FSTL5: variants seen among roughly 807,000 people sequenced by gnomAD.
The protein encoded by FSTL5 is follistatin like 5, also known as follistatin-related protein 5.
A neutral mutation model predicts 89.1 loss-of-function variants in FSTL5; 62 were observed. The ratio of observed to expected loss-of-function variants is 0.70; its 90% CI spans 0.57 to 0.86. FSTL5 has a LOEUF of 0.86. Among genes scored for constraint, FSTL5 ranks in the 40% least tolerant of loss-of-function variants. The probability of loss-of-function intolerance (pLI) is 0.00; values close to 1 mark genes in which losing one functional copy is unlikely to be tolerated. For missense variants in FSTL5, 1,057 were observed against 1,001.6 expected (o/e 1.06, Z -0.75); for synonymous variants, 383 against 346.2 (o/e 1.11, Z -1.18).
At chr4:161,630,717 G>A (rs951877989) in intron 7 of FSTL5, among the ~76,000 whole-genome samples, 5 of 152,128 alleles carry the variant, frequency 3.3e-5, no homozygotes, top group African/African-American at 7.2e-5. Context: ...CAACATATGC[G>A]TAAGAAAACT....
chr4:161,741,681 ATTTTTTTTT>A (rs367947098), intron 6 of FSTL5, among the ~76,000 whole-genome samples: 1 of 104,672 alleles, frequency 9.6e-6, no homozygotes, highest in Non-Finnish European at 2.1e-5. Context: ...GAGAAGTATG[ATTTTTTTTT>A]TTTTTTTTTT....
intron 4 of FSTL5, among the ~76,000 whole-genome samples, chr4:161,880,860 T>TTATAC (rs1450853202): frequency 6.6e-6 from 1 of 152,104 alleles, no homozygotes; most frequent in Non-Finnish European, 1.5e-5. Flanking sequence ...GGGACAGAGA[T>TTATAC]TATACCAGTA....
intron 3 of FSTL5, among the ~76,000 whole-genome samples, chr4:161,935,416 G>C (rs1185828622): frequency 1.3e-5 from 2 of 152,086 alleles, no homozygotes; most frequent in South Asian, 4.1e-4. Context: ...TGAAAAGATA[G>C]ATTTATACTG....
intron 6 of FSTL5, among the ~76,000 whole-genome samples, chr4:161,665,984 A>G (rs534560350): frequency 6.6e-6 from 1 of 152,234 alleles, no homozygotes; most frequent in East Asian, 1.9e-4. Flanking sequence ...TATTTCCATA[A>G]CATTGGGTAG....
At chr4:161,749,887 T>G (rs901756113) in intron 6 of FSTL5, among the ~76,000 whole-genome samples, 13 of 151,860 alleles carry the variant, frequency 8.6e-5, no homozygotes, top group African/African-American at 2.9e-4. Flanking sequence ...GAGTGAGAGT[T>G]GAAAAATTAC....
intron 2 of FSTL5, among the ~76,000 whole-genome samples, chr4:162,066,574 C>T (rs1358140407): frequency 3.3e-5 from 5 of 149,596 alleles, no homozygotes; most frequent in Non-Finnish European, 5.9e-5. Flanking sequence ...TAATGCTCTC[C>T]CTCCCCTTGC....
intron 4 of FSTL5, among the ~76,000 whole-genome samples, chr4:161,887,012 C>T (rs549412386): frequency 6.6e-6 from 1 of 152,112 alleles, no homozygotes; most frequent in Non-Finnish European, 1.5e-5. Context: ...TGACTGTTAA[C>T]ATTTTATTGC....
chr4:161,611,231 CATATATAT>C (rs70937667), intron 7 of FSTL5, among the ~76,000 whole-genome samples: 4,880 of 128,404 alleles, frequency 0.038, 232 homozygotes, highest in African/African-American at 0.12. Context: ...TATGTGTATA[CATATATAT>C]ATATATATAT....
In FSTL5 at chr4:161,708,047, C is replaced by G. The variant is rs1026547440; in HGVS notation, c.727+51364G>C. 1.9e-4 allele frequency among the ~76,000 whole-genome samples: 29 copies of G among 151,968 alleles called. 1 individual carries two copies. The highest frequency in any genetic ancestry group is 7.0e-4 in the African/African-American group (29 of 41,438). Reference sequence around the variant, plus strand: ...AACATTCTACTGAGTGCATGTATTACAATATGGAATTTTATATGCAATGTG... The same window carrying G: ...AACATTCTACTGAGTGCATGTATTAGAATATGGAATTTTATATGCAATGTG... On this transcript the variant is annotated intron_variant, in intron 6 of 15. Transcript: ENST00000306100.
At chr4:161,659,079 G>A (rs1052460299) in intron 6 of FSTL5, among the ~76,000 whole-genome samples, 1 of 152,048 alleles carries the variant, frequency 6.6e-6, no homozygotes, top group African/African-American at 2.4e-5. Context: ...CATTATGTGG[G>A]CAATCTTTCT....
intron 3 of FSTL5, among the ~76,000 whole-genome samples, chr4:161,987,583 T>C (rs914959722): frequency 6.8e-6 from 1 of 147,220 alleles, no homozygotes; most frequent in African/African-American, 2.5e-5. Context: ...TATAAAGAAA[T>C]ATATAATAAA....
At chr4:161,469,425 C>T (rs574119546) in intron 13 of FSTL5, among the ~76,000 whole-genome samples, 16 of 152,210 alleles carry the variant, frequency 1.1e-4, no homozygotes, top group Admixed American at 2.6e-4. Context: ...CCAACAACAA[C>T]GCACAAGGGT....
intron 3 of FSTL5, among the ~76,000 whole-genome samples, chr4:162,007,155 T>A (rs1376005728): frequency 6.6e-6 from 1 of 151,916 alleles, no homozygotes. Flanking sequence ...AAGATAGTTG[T>A]TTAATTTAAA....
intron 8 of FSTL5, among the ~76,000 whole-genome samples, chr4:161,560,452 TTTG>T (rs1732555048): frequency 6.6e-6 from 1 of 151,958 alleles, no homozygotes; most frequent in Non-Finnish European, 1.5e-5. Flanking sequence ...TTACTGTAAC[TTTG>T]TTACTTTTTA....
chr4:162,060,457 A>G (rs1019691025), intron 2 of FSTL5, among the ~76,000 whole-genome samples: 1 of 152,042 alleles, frequency 6.6e-6, no homozygotes, highest in African/African-American at 2.4e-5. Flanking sequence ...ATAATGTATG[A>G]GTCTATCTAA....
intron 2 of FSTL5, among the ~76,000 whole-genome samples, chr4:162,059,280 A>G (rs140955842): frequency 1.5e-3 from 225 of 152,342 alleles, no homozygotes; most frequent in African/African-American, 5.2e-3. Context: ...ATACCAATTG[A>G]TAGTCAAAAA....
chr4:161,622,045 T>C (rs1735150322), intron 7 of FSTL5, among the ~76,000 whole-genome samples: 1 of 151,864 alleles, frequency 6.6e-6, no homozygotes, highest in South Asian at 2.1e-4. Context: ...AGAATTGAGA[T>C]AGGTGCGATT....
intron 6 of FSTL5, among the ~76,000 whole-genome samples, chr4:161,692,311 C>A (rs573902488): frequency 6.7e-6 from 1 of 148,972 alleles, no homozygotes; most frequent in Admixed American, 6.8e-5. Context: ...TTATCAAATG[C>A]TTTTTCCACG....
At chr4:161,474,212 T>C (rs1734045111) in intron 13 of FSTL5, among the ~76,000 whole-genome samples, 1 of 152,176 alleles carries the variant, frequency 6.6e-6, no homozygotes, top group Admixed American at 6.5e-5. Context: ...CATAGAAAAC[T>C]CTGCTCCTTT....
Sources: gnomAD v4.1 joint callset for allele counts (sites outside exome capture counted in the v4.1 genomes callset) on GRCh38, gnomAD v4.1.1 for gene constraint, MANE v1.5 for transcripts, NCBI Gene and HGNC (gene_info 2026-07-23, HGNC 2026-07-21) for gene names.